Variants in C1R observed in about 807,000 individuals in gnomAD.
C1R encodes complement C1r, also known as complement C1r subcomponent.
C1R carries 15 observed loss-of-function variants against 27.6 expected under a neutral mutation model. The observed-to-expected ratio is 0.54, with a 90% CI of 0.36 to 0.84. The LOEUF (loss-of-function observed/expected upper bound fraction) is 0.84. Among genes scored for constraint, C1R ranks in the 40% least tolerant of loss-of-function variants. The pLI is 0.01. For synonymous variants in C1R, 253 were observed against 228.8 expected (o/e 1.11, Z -0.95); for missense variants, 544 against 577.9 (o/e 0.94, Z 0.60).
At chr12:7,092,245 T>G in intron 1 of C1R, 142 bp downstream of exon 1, 1 of 723,310 alleles carries the variant, frequency 1.4e-6, no homozygotes, top group Non-Finnish European at 2.6e-6. Flanking sequence ...GCGTGTGTTG[T>G]GTGTGTCCAC....
chr12:7,088,557 A>T lies in C1R; in HGVS notation c.1038+53T>A, dbSNP rs746059901. 15 of 718,524 alleles carry T rather than the reference A, an allele frequency of 2.1e-5. No individual in the cohort carries two copies. In the Admixed American group the frequency reaches 2.2e-4, roughly 11 times the overall value. The allele number at this position is 718,524 out of a possible 1,614,324, so 44.5% of individuals were successfully genotyped here. A position where few individuals can be genotyped will look rare whatever the true frequency, so the allele number is the denominator to read the frequency against. Reference sequence around the variant, plus strand: ...AAATCCTCTGTGAACCCACCACCTGAATTCCTCCTGGGGTGCTGGGCCGGC... The same window carrying T: ...AAATCCTCTGTGAACCCACCACCTGTATTCCTCCTGGGGTGCTGGGCCGGC... On this transcript the variant is annotated intron_variant, in intron 7 of 10. Transcript: ENST00000647956.
chr12:7,080,250 A>G lies in C1R; in HGVS notation c.*282T>C. ...TTCTCATAAAACTTTATTTGGAAAA[A>G]GTTATATTCAATGACCCAATGGTAT... is the stretch of plus-strand genomic sequence containing the variant. On this transcript the variant is annotated 3_prime_UTR_variant, in exon 11 of 11. Coordinates refer to ENST00000647956, the MANE Select transcript of C1R (RefSeq NM_001733.7). This position sits in a 1 kb window ranked among gnomAD's most constrained non-coding sequence, Gnocchi z 4.9. 9.2e-7 allele frequency: 1 copy of G among 1,087,300 alleles called. No individual in the cohort carries two copies. Among genetic ancestry groups the G allele is most frequent in the Non-Finnish European group, 1.1e-6 (1 of 894,524 alleles). 67.4% of individuals were successfully genotyped at this position (1,087,300 alleles called of 1,614,324 possible). A position where few individuals can be genotyped will look rare whatever the true frequency, so the allele number is the denominator to read the frequency against.
At position 7,080,913 on chromosome 12, in the gene C1R, A is replaced by G. The variant is rs1210501769; in HGVS notation, c.1737T>C (p.Pro579=). The change falls in exon 11 of 11, where the codon CCT becomes CCC. Residue 579 remains proline, a synonymous_variant. Coordinates refer to ENST00000647956, the MANE Select transcript of C1R (RefSeq NM_001733.7). This position sits in a 1 kb window ranked among gnomAD's most constrained non-coding sequence, Gnocchi z 4.9. ...LGPNLLPICL[P]DNDTFYDLGL... is the part of the protein sequence containing the mutation. ...CCAGGTCGTAGAAGGTATCGTTGTC[A>G]GGGAGGCAGATGGGGAGGAGGTTGG... is the stretch of plus-strand genomic sequence containing the variant. The G allele has an allele frequency of 6.2e-7, 1 of 1,613,202 alleles. No individual in the cohort carries two copies.
In C1R at chr12:7,089,255, G is replaced by C. The variant is rs776344318; in HGVS notation, c.768+38C>G. 3 of 770,748 alleles carry C rather than the reference G, an allele frequency of 3.9e-6. No individual in the cohort carries two copies. The Admixed American group carries it at 5.2e-5, about 13-fold the overall frequency. 47.7% of individuals were successfully genotyped at this position (770,748 alleles called of 1,614,324 possible). ...CAAGAGGAGCCAAGTGCAGACAGAA[G>C]GGGAGGAAGGGGTCTTTCAGGGGTA... On this transcript the variant is annotated intron_variant, in intron 5 of 10. Transcript: ENST00000647956.
At chr12:7,088,322 A>G (rs1301108411) in intron 7 of C1R, 1 of 642,694 alleles carries the variant, frequency 1.6e-6, no homozygotes, top group Non-Finnish European at 2.8e-6. Flanking sequence ...TTCAGTATTT[A>G]TTTGCTTATT....
At chr12:7,082,687 T>C (rs889787393) in intron 9 of C1R, among the ~76,000 whole-genome samples, 5 of 152,106 alleles carry the variant, frequency 3.3e-5, no homozygotes, top group Admixed American at 6.5e-5. Context: ...AAAGTAGACA[T>C]AAAAACCAGA....
rs1298519806 is a variant in C1R at position 7,091,353 on chromosome 12, G to A, written c.231+99C>T. On this transcript the variant is annotated intron_variant, in intron 2 of 10. Transcript: ENST00000647956. This position sits in a 1 kb window ranked among gnomAD's most constrained non-coding sequence, Gnocchi z 5.1. ...GAGAGGCCGTTGGCCATCAGCTCTTGTGGGGCTGGGCTGTGTCTGGGGGTG... is the reference window on the plus strand; with the variant it reads ...GAGAGGCCGTTGGCCATCAGCTCTTATGGGGCTGGGCTGTGTCTGGGGGTG... 1 of 675,098 alleles carries A rather than the reference G, an allele frequency of 1.5e-6. No homozygotes were observed. The highest frequency in any genetic ancestry group is 2.7e-6 in the Non-Finnish European group (1 of 374,150). The allele number at this position is 675,098 out of a possible 1,614,324, so 41.8% of individuals were successfully genotyped here.
At position 7,084,777 on chromosome 12, in the gene C1R, T is replaced by C. The variant is rs1451187006; in HGVS notation, c.1273+1084A>G. 7.3e-5 allele frequency among the ~76,000 whole-genome samples: 11 copies of C among 150,488 alleles called. 1 individual carries two copies. Among genetic ancestry groups the C allele is most frequent in the African/African-American group, 2.7e-4 (11 of 40,052 alleles). On this transcript the variant is annotated intron_variant, in intron 9 of 10. Transcript: ENST00000647956. ...ATGGTGATGGTGGTGATGGTAGTGT[T>C]GGTGTTGGTAATCATGATGGTGATA...
intron 10 of C1R, among the ~76,000 whole-genome samples, chr12:7,081,579 G>A (rs755728791): frequency 2.6e-5 from 4 of 151,402 alleles, no homozygotes; most frequent in East Asian, 1.9e-4. Flanking sequence ...TGCAACCTCC[G>A]CCTCCTGGGT....
intron 7 of C1R, chr12:7,087,466 G>A (rs1294471473): frequency 1.3e-5 from 2 of 154,428 alleles, no homozygotes; most frequent in African/African-American, 4.8e-5. Flanking sequence ...ATGAGAACTA[G>A]AACGTCTGAG....
At chr12:7,085,455 T>C (rs1938140454) in intron 9 of C1R, among the ~76,000 whole-genome samples, 1 of 151,818 alleles carries the variant, frequency 6.6e-6, no homozygotes. Flanking sequence ...ATGGTAGTGG[T>C]GATGGTGGTG....
At chr12:7,090,420 G>T in intron 2 of C1R, 172 bp from the exon 3 acceptor site, 1 of 601,484 alleles carries the variant, frequency 1.7e-6, no homozygotes, top group Non-Finnish European at 3.0e-6. Flanking sequence ...GTGACTTTCA[G>T]CTGTTCCCTG....
In C1R at chr12:7,080,479, T is replaced by C. The variant is rs1938033018; in HGVS notation, c.*53A>G. On this transcript the variant is annotated 3_prime_UTR_variant, in exon 11 of 11. Transcript: ENST00000647956. The surrounding 1 kb of genome is among the most constrained non-coding windows in gnomAD (Gnocchi z 4.9). Reference sequence around the variant, plus strand: ...TATCAACAACTGGTCAGTTGTTTTTTGTTTTTTTTTTTCCACACTGCTCTC... The same window carrying C: ...TATCAACAACTGGTCAGTTGTTTTTCGTTTTTTTTTTTCCACACTGCTCTC... 6.6e-7 allele frequency: 1 copy of C among 1,508,894 alleles called. No homozygotes were observed. Among genetic ancestry groups the C allele is most frequent in the African/African-American group, 1.4e-5 (1 of 71,302 alleles). 93.5% of individuals were successfully genotyped at this position (1,508,894 alleles called of 1,614,324 possible).
rs1451039128 is a variant in C1R, at chr12:7,080,936, T to C, written c.1714A>G (p.Asn572Asp). The C allele has an allele frequency of 6.2e-7, 1 of 1,613,164 alleles. No homozygotes were observed. Among genetic ancestry groups the C allele is most frequent in the Non-Finnish European group, 8.5e-7 (1 of 1,179,198 alleles). The change falls in exon 11 of 11, where the codon AAC becomes GAC. Residue 572 changes from asparagine (N) to aspartate (D), a missense_variant. Asn to Asp is a conservative substitution (Grantham distance 23). Transcript: ENST00000647956. The surrounding 1 kb of genome is among the most constrained non-coding windows in gnomAD (Gnocchi z 4.9). ...ELENSVTLGP[N>D]LLPICLPDND... Reference sequence around the variant, plus strand: ...TCAGGGAGGCAGATGGGGAGGAGGTTGGGACCCAGGGTGACACTATTTTCC... The same window carrying C: ...TCAGGGAGGCAGATGGGGAGGAGGTCGGGACCCAGGGTGACACTATTTTCC...
chr12:7,090,267 G>T lies in C1R; in HGVS notation c.232-19C>A, dbSNP rs4600291. The stretch of plus-strand genomic sequence containing the variant: ...CAGAGATCTGGTGGAAGAAGGACAG[G>T]GGGTAGGAAGAAGATCTGTTGCGGA... On this transcript the variant is annotated intron_variant, in intron 2 of 10. Coordinates refer to ENST00000647956, the MANE Select transcript of C1R (RefSeq NM_001733.7). 18,772 of 718,564 alleles carry T rather than the reference G, an allele frequency of 0.026. 2,149 individuals carry two copies. In the African/African-American group the frequency reaches 0.27, roughly 10 times the overall value. 44.5% of individuals were successfully genotyped at this position (718,564 alleles called of 1,614,324 possible).
intron 9 of C1R, among the ~76,000 whole-genome samples, chr12:7,083,594 TTGG>T (rs1250433211): frequency 6.9e-6 from 1 of 144,648 alleles, no homozygotes; most frequent in East Asian, 2.1e-4. Flanking sequence ...GGTGTTACTG[TTGG>T]TGGTGATGAT....
intron 1 of C1R, 66 bp downstream of exon 1, chr12:7,092,321 C>G: frequency 1.3e-6 from 1 of 780,370 alleles, no homozygotes. Flanking sequence ...CCCTGAATTG[C>G]CTCCCATGCC....
chr12:7,080,763 C>T lies in C1R; in HGVS notation c.1887G>A (p.Arg629=), dbSNP rs1335974306. 1.9e-6 allele frequency: 3 copies of T among 1,613,988 alleles called. No homozygotes were observed. The highest frequency in any genetic ancestry group is 2.2e-5 in the South Asian group (2 of 91,080). Residue 629 remains arginine, a synonymous_variant, in exon 11 of 11, where the codon AGG becomes AGA. Transcript: ENST00000647956. The surrounding 1 kb of genome is among the most constrained non-coding windows in gnomAD (Gnocchi z 4.9). ...ACATGTTTTGAGAGAACACATCCATCCTATTCTTTCCCCGGAGCCAGTTCT... is the reference window on the plus strand; with the variant it reads ...ACATGTTTTGAGAGAACACATCCATTCTATTCTTTCCCCGGAGCCAGTTCT... ...ACENWLRGKN[R]MDVFSQNMFC...
intron 5 of C1R, 98 bp downstream of exon 5, chr12:7,089,195 C>G: frequency 1.4e-6 from 1 of 692,908 alleles, no homozygotes; most frequent in Non-Finnish European, 2.7e-6. Flanking sequence ...CCGTTCCTGC[C>G]CCAGCTGGCC....
Sources: gnomAD v4.1 joint callset for allele counts (sites outside exome capture counted in the v4.1 genomes callset) on GRCh38, gnomAD v4.1.1 for gene constraint, Gnocchi (gnomAD v3.1) non-coding constraint, MANE v1.5 for transcripts, NCBI Gene and HGNC (gene_info 2026-07-23, HGNC 2026-07-21) for gene names.